ATP6V0D2: variants seen among roughly 807,000 people sequenced by gnomAD.
ATP6V0D2 encodes the protein V-type proton ATPase subunit d 2.
Under a neutral mutation model 40.0 loss-of-function variants are expected in ATP6V0D2, and 40 were observed. That is an observed-to-expected ratio of 1.00 (90% CI 0.78 to 1.30). ATP6V0D2 has a LOEUF of 1.30. Ranked by LOEUF, ATP6V0D2 falls within the 50% of genes most tolerant of loss-of-function variation. The pLI is 0.00. For synonymous variants in ATP6V0D2, 179 were observed against 156.3 expected (o/e 1.15, Z -1.08); for missense variants, 470 against 423.1 (o/e 1.11, Z -0.97).
chr8:86,144,207 G>A (rs1819017402), intron 5 of ATP6V0D2, among the ~76,000 whole-genome samples: 1 of 152,102 alleles, frequency 6.6e-6, no homozygotes, highest in African/African-American at 2.4e-5. Flanking sequence ...GGAGATTCAG[G>A]GCAGAGATCA....
At chr8:86,111,421 C>G (rs1381729750) in intron 1 of ATP6V0D2, among the ~76,000 whole-genome samples, 1 of 152,120 alleles carries the variant, frequency 6.6e-6, no homozygotes, top group Non-Finnish European at 1.5e-5. Flanking sequence ...AGATTTCTTT[C>G]TTTTTGAAGG....
At position 86,101,167 on chromosome 8, in the gene ATP6V0D2, C is replaced by G. The variant is rs146053714; in HGVS notation, c.130+2059C>G. On this transcript the variant is annotated intron_variant, in intron 1 of 7. Coordinates refer to ENST00000285393, the MANE Select transcript of ATP6V0D2 (RefSeq NM_152565.1). ...GTCTCAAAAAAAAAAAAAAAGAATTCTAGAAAATAGGTCGGGTATAGTGGC... is the reference window on the plus strand; with the variant it reads ...GTCTCAAAAAAAAAAAAAAAGAATTGTAGAAAATAGGTCGGGTATAGTGGC... Among the ~76,000 whole-genome samples, 332 of 145,302 alleles carry G rather than the reference C, an allele frequency of 2.3e-3. 8 individuals are homozygous for G. Among genetic ancestry groups the G allele is most frequent in the Admixed American group, 0.018 (256 of 14,546 alleles).
intron 1 of ATP6V0D2, among the ~76,000 whole-genome samples, chr8:86,105,402 G>C (rs1367156283): frequency 6.6e-6 from 1 of 151,770 alleles, no homozygotes; most frequent in Non-Finnish European, 1.5e-5. Context: ...GGACTTAAGC[G>C]ACCCTCCCAC....
At chr8:86,104,747 G>A (rs1818446883) in intron 1 of ATP6V0D2, among the ~76,000 whole-genome samples, 1 of 151,722 alleles carries the variant, frequency 6.6e-6, no homozygotes, top group Admixed American at 6.6e-5. Flanking sequence ...ATTTCAAAGA[G>A]CTTTCTCTTT....
At chr8:86,141,147 ACT>A (rs1818965451) in intron 3 of ATP6V0D2, among the ~76,000 whole-genome samples, 1 of 152,006 alleles carries the variant, frequency 6.6e-6, no homozygotes, top group African/African-American at 2.4e-5. Context: ...AGTTGAAGCC[ACT>A]CTCTGGCCCA....
chr8:86,102,348 G>A (rs553078515), intron 1 of ATP6V0D2, among the ~76,000 whole-genome samples: 62 of 152,298 alleles, frequency 4.1e-4, no homozygotes, highest in African/African-American at 1.5e-3. Flanking sequence ...TGTTGGAATA[G>A]AATCCTAAAG....
chr8:86,111,187 T>C (rs78881534), intron 1 of ATP6V0D2, among the ~76,000 whole-genome samples: 1 of 103,588 alleles, frequency 9.7e-6, no homozygotes, highest in Non-Finnish European at 2.0e-5. Flanking sequence ...TTTTTCTTTC[T>C]TTTTTTTTTT....
chr8:86,125,140 G>C (rs150097963), intron 2 of ATP6V0D2, among the ~76,000 whole-genome samples: 1 of 152,132 alleles, frequency 6.6e-6, no homozygotes, highest in African/African-American at 2.4e-5. Context: ...CAAAATCAGC[G>C]TCTGAGGTTG....
chr8:86,111,311 C>T (rs1236189635), intron 1 of ATP6V0D2, among the ~76,000 whole-genome samples: 2 of 152,014 alleles, frequency 1.3e-5, no homozygotes, highest in African/African-American at 4.8e-5. Flanking sequence ...CTCTGCCTCC[C>T]AAAGTGTTGG....
At chr8:86,151,216 C>T (rs1819145753) in intron 6 of ATP6V0D2, among the ~76,000 whole-genome samples, 1 of 148,550 alleles carries the variant, frequency 6.7e-6, no homozygotes, top group South Asian at 2.1e-4. Context: ...TGAGCTCAAA[C>T]ACTGTATACT....
intron 3 of ATP6V0D2, among the ~76,000 whole-genome samples, chr8:86,139,971 C>T (rs2626337): frequency 0.43 from 65,572 of 151,944 alleles, 15,941 homozygotes; most frequent in Middle Eastern, 0.61. Context: ...AATAATAGCA[C>T]TTGTCATTCT....
At chr8:86,121,286 A>G (rs904350261) in intron 2 of ATP6V0D2, among the ~76,000 whole-genome samples, 41 of 152,136 alleles carry the variant, frequency 2.7e-4, no homozygotes, top group Admixed American at 5.9e-4. Flanking sequence ...GAAATGATAT[A>G]TGGCCAGACA....
chr8:86,113,621 C>T (rs1222818869), intron 1 of ATP6V0D2, 88 bp from the exon 2 acceptor site: 3 of 1,213,916 alleles, frequency 2.5e-6, no homozygotes, highest in Non-Finnish European at 2.3e-6. Context: ...GTATGTAACA[C>T]AAAATTAGCA....
At chr8:86,136,309 C>A (rs896779220) in intron 2 of ATP6V0D2, among the ~76,000 whole-genome samples, 1 of 152,206 alleles carries the variant, frequency 6.6e-6, no homozygotes, top group Admixed American at 6.5e-5. Context: ...ATGCAGGCTG[C>A]ATCCTGCTCA....
chr8:86,135,666 A>C (rs138328695), intron 2 of ATP6V0D2, among the ~76,000 whole-genome samples: 64 of 152,358 alleles, frequency 4.2e-4, no homozygotes, highest in Non-Finnish European at 7.3e-4. Flanking sequence ...TTTGAAATTG[A>C]GTAATTTGCT....
rs757682473 is a variant in ATP6V0D2, at chr8:86,150,181, C to T, written c.709C>T (p.Arg237Ter). The T allele has an allele frequency of 9.9e-6, 16 of 1,613,178 alleles. No homozygotes were observed. The highest frequency in any genetic ancestry group is 4.5e-5 in the East Asian group (2 of 44,786). ...TGGCACTGAATTGAGCAAAGAAGACCGAGAGACCCTCTATCCAACCTTCGG... is the reference window on the plus strand; with the variant it reads ...TGGCACTGAATTGAGCAAAGAAGACTGAGAGACCCTCTATCCAACCTTCGG... ...SFGTELSKED[R>*]ETLYPTFGKL... The change falls in exon 6 of 8, where the codon CGA (arginine) becomes TGA (stop). Residue 237 changes from arginine (R) to a stop codon, truncating the protein, a stop_gained. Coordinates refer to ENST00000285393, the MANE Select transcript of ATP6V0D2 (RefSeq NM_152565.1). LOFTEE classifies it high-confidence loss of function.
intron 2 of ATP6V0D2, among the ~76,000 whole-genome samples, chr8:86,137,893 A>G (rs1247126877): frequency 1.3e-5 from 2 of 152,220 alleles, no homozygotes; most frequent in Admixed American, 6.5e-5. Context: ...ATAATACGAC[A>G]TACCTCACAG....
rs955988334 is a variant in ATP6V0D2, at chr8:86,153,726, A to G, written c.*749A>G. 4 of 152,058 alleles carry G rather than the reference A, an allele frequency of 2.6e-5. No individual in the cohort carries two copies. The highest frequency in any genetic ancestry group is 5.9e-5 in the Non-Finnish European group (4 of 68,096). 9.4% of individuals were successfully genotyped at this position (152,058 alleles called of 1,614,324 possible). On this transcript the variant is annotated 3_prime_UTR_variant, in exon 8 of 8. Coordinates refer to ENST00000285393, the MANE Select transcript of ATP6V0D2 (RefSeq NM_152565.1). ...AAATCCAAAGCTGTATGTAGTCAAC[A>G]TGGTTCACAAGTGTTGGAAAATGTG... is the stretch of plus-strand genomic sequence containing the variant.
At position 86,153,600 on chromosome 8, in the gene ATP6V0D2, C is replaced by G. The variant is rs1215756249; in HGVS notation, c.*623C>G. 1 of 152,360 alleles carries G rather than the reference C, an allele frequency of 6.6e-6. No homozygotes were observed. The highest frequency in any genetic ancestry group is 1.5e-5 in the Non-Finnish European group (1 of 68,196). 9.4% of individuals were successfully genotyped at this position (152,360 alleles called of 1,614,324 possible). On this transcript the variant is annotated 3_prime_UTR_variant, in exon 8 of 8. Coordinates refer to ENST00000285393, the MANE Select transcript of ATP6V0D2 (RefSeq NM_152565.1). ...CGAATTCCTGGGCTCCAGGGATCCA[C>G]AGTCCCCCTTGGCCTCCCAAAGTGT...
Sources: allele counts gnomAD v4.1 joint callset (sites outside exome capture counted in the v4.1 genomes callset), GRCh38; gene constraint gnomAD v4.1.1; transcripts MANE v1.5; gene names NCBI Gene and HGNC (gene_info 2026-07-23, HGNC 2026-07-21).